The following TBC1D1 variants were observed in gnomAD, a reference collection of about 807,000 sequenced individuals.
The protein encoded by TBC1D1 is TBC1 domain family member 1.
TBC1D1 carries 89 observed loss-of-function variants against 125.6 expected under a neutral mutation model. The ratio of observed to expected loss-of-function variants is 0.71; its 90% CI spans 0.60 to 0.85. TBC1D1 has a LOEUF of 0.85. Ranked by LOEUF, TBC1D1 falls within the 40% of genes least tolerant of loss-of-function variation. The pLI is 0.00. For missense variants in TBC1D1, 1,377 were observed against 1,469.2 expected (o/e 0.94, Z 1.03); for synonymous variants, 565 against 564.1 (o/e 1.00, Z -0.02).
intron 15 of TBC1D1, among the ~76,000 whole-genome samples, chr4:38,105,397 G>A (rs1249051812): frequency 2.0e-5 from 3 of 152,142 alleles, no homozygotes; most frequent in Non-Finnish European, 4.4e-5. Context: ...TGACACAGCC[G>A]ATTTGCCGCT....
chr4:38,053,335 C>A, intron 11 of TBC1D1, 110 bp downstream of exon 13: 1 of 961,938 alleles, frequency 1.0e-6, no homozygotes, highest in Non-Finnish European at 1.4e-6. Context: ...ATCATTTCAG[C>A]TAAATCTGTT....
At chr4:38,125,726 A>C (rs1167925521) in intron 18 of TBC1D1, among the ~76,000 whole-genome samples, 1 of 152,170 alleles carries the variant, frequency 6.6e-6, no homozygotes, top group African/African-American at 2.4e-5. Context: ...TTTACTGGGA[A>C]TTACAACTAA....
chr4:38,049,532 C>A, intron 10 of TBC1D1, 86 bp from the exon 11 acceptor site: 1 of 1,451,928 alleles, frequency 6.9e-7, no homozygotes, highest in Non-Finnish European at 9.3e-7. Flanking sequence ...TTAGATACTG[C>A]AATGTTTGCC....
At chr4:37,908,274 T>G (rs907447483) in intron 2 of TBC1D1, among the ~76,000 whole-genome samples, 8 of 152,106 alleles carry the variant, frequency 5.3e-5, no homozygotes, top group Admixed American at 3.3e-4. Context: ...CGTGCAATCT[T>G]GGCTCACTGC....
At chr4:38,103,539 C>T (rs1029746849) in intron 15 of TBC1D1, among the ~76,000 whole-genome samples, 1 of 152,164 alleles carries the variant, frequency 6.6e-6, no homozygotes, top group Non-Finnish European at 1.5e-5. Context: ...GCCACTCCCT[C>T]ATTTTTACTG....
At chr4:38,036,586 C>T (rs922013690) in intron 8 of TBC1D1, among the ~76,000 whole-genome samples, 42 of 152,294 alleles carry the variant, frequency 2.8e-4, no homozygotes, top group African/African-American at 9.6e-4. Flanking sequence ...CCCTGTCCTA[C>T]GGCAGCCTTT....
chr4:37,955,285 T>G (rs907403237), intron 2 of TBC1D1, among the ~76,000 whole-genome samples: 1 of 152,148 alleles, frequency 6.6e-6, no homozygotes, highest in African/African-American at 2.4e-5. Context: ...TAATGAGAGA[T>G]TCCCATGAAC....
intron 11 of TBC1D1, 74 bp from the exon 14 acceptor site, chr4:38,054,124 TA>T: frequency 1.0e-5 from 15 of 1,492,400 alleles, no homozygotes; most frequent in Non-Finnish European, 1.3e-5. Context: ...GTGATTTGTT[TA>T]AAAAAATGTT....
At chr4:37,997,239 CA>C (rs1483704337) in intron 2 of TBC1D1, among the ~76,000 whole-genome samples, 2 of 152,344 alleles carry the variant, frequency 1.3e-5, no homozygotes, top group Middle Eastern at 6.8e-3. Flanking sequence ...TACAAATCTT[CA>C]TCTTAGATAA....
intron 12 of TBC1D1, among the ~76,000 whole-genome samples, chr4:38,082,519 CCTGA>C (rs1355040319): frequency 1.3e-5 from 2 of 152,178 alleles, no homozygotes; most frequent in Non-Finnish European, 2.9e-5. Context: ...AACTGAGAGC[CCTGA>C]CTTTCAGCTC....
At position 38,022,203 on chromosome 4, in the gene TBC1D1, C is replaced by T. The variant is rs544623666; in HGVS notation, c.1210+485C>T. ...AGCAAATGGGAAGAAATCAAAGAAA[C>T]GGTGACTATTAGTATTGACCAGTAT... On this transcript the variant is annotated intron_variant, in intron 6 of 19. Transcript: ENST00000261439. 3.3e-5 allele frequency among the ~76,000 whole-genome samples: 5 copies of T among 152,194 alleles called. No homozygotes were observed. The East Asian group carries it at 5.8e-4, about 18-fold the overall frequency.
intron 2 of TBC1D1, among the ~76,000 whole-genome samples, chr4:37,902,872 A>C (rs939956527): frequency 2.6e-5 from 4 of 152,216 alleles, no homozygotes; most frequent in African/African-American, 9.6e-5. Flanking sequence ...TAAAATGTGA[A>C]TCTTGATTCA....
Position 38,137,131 on chromosome 4 carries a change from C to T in TBC1D1, c.3307-4C>T, listed in dbSNP as rs757078852. 1 of 1,613,214 alleles carries T rather than the reference C, an allele frequency of 6.2e-7. No individual in the cohort carries two copies. The highest frequency in any genetic ancestry group is 8.5e-7 in the Non-Finnish European group (1 of 1,179,994). ...GTATTCTCATTTCTTCTTTTATTCTCCAGGTGGCAAATGGTAGGATCCAAA... is the reference window on the plus strand; with the variant it reads ...GTATTCTCATTTCTTCTTTTATTCTTCAGGTGGCAAATGGTAGGATCCAAA... On this transcript the variant is annotated splice_polypyrimidine_tract_variant and splice_region_variant and intron_variant, in intron 19 of 19. Transcript: ENST00000261439.
intron 1 of TBC1D1, among the ~76,000 whole-genome samples, chr4:37,900,027 G>A (rs762212772): frequency 2.6e-5 from 4 of 151,986 alleles, no homozygotes; most frequent in Non-Finnish European, 4.4e-5. Context: ...AGGCTGACGC[G>A]GGAGAATGGC....
intron 5 of TBC1D1, among the ~76,000 whole-genome samples, chr4:38,021,169 G>A (rs1447175312): frequency 1.3e-5 from 2 of 152,206 alleles, no homozygotes; most frequent in African/African-American, 4.8e-5. Flanking sequence ...CATGGCAGCA[G>A]GCAGGGCAGC....
intron 12 of TBC1D1, among the ~76,000 whole-genome samples, chr4:38,072,225 CAG>C (rs1339314116): frequency 6.6e-6 from 1 of 152,190 alleles, no homozygotes; most frequent in East Asian, 1.9e-4. Flanking sequence ...GTCTGTATGA[CAG>C]AGAGGCAGGG....
At chr4:38,001,112 C>T (rs111860717) in intron 2 of TBC1D1, among the ~76,000 whole-genome samples, 191 of 151,960 alleles carry the variant, frequency 1.3e-3, no homozygotes, top group Non-Finnish European at 2.1e-3. Context: ...CCCAGCTAAT[C>T]GGGAGGCTGA....
chr4:37,931,965 A>C (rs934817132), intron 2 of TBC1D1, among the ~76,000 whole-genome samples: 5 of 151,994 alleles, frequency 3.3e-5, no homozygotes, highest in African/African-American at 1.2e-4. Flanking sequence ...AAACCCTTCT[A>C]TTCTGTATCT....
intron 2 of TBC1D1, among the ~76,000 whole-genome samples, chr4:37,931,825 T>A (rs1723330840): frequency 1.3e-5 from 2 of 152,326 alleles, no homozygotes; most frequent in South Asian, 4.1e-4. Context: ...CACAAGAAGT[T>A]TTGCAAACTC....
Sources: allele counts gnomAD v4.1 joint callset (sites outside exome capture counted in the v4.1 genomes callset), GRCh38; gene constraint gnomAD v4.1.1; transcripts MANE v1.5; gene names NCBI Gene and HGNC (gene_info 2026-07-23, HGNC 2026-07-21).